UBE2D3: variants seen among roughly 807,000 people sequenced by gnomAD.
UBE2D3 encodes ubiquitin conjugating enzyme E2 D3.
UBE2D3 carries 2 observed loss-of-function variants against 22.8 expected under a neutral mutation model. The ratio of observed to expected loss-of-function variants is 0.09; its 90% CI spans 0.04 to 0.28. The LOEUF (loss-of-function observed/expected upper bound fraction) is 0.28. Among genes scored for constraint, UBE2D3 ranks in the 10% least tolerant of loss-of-function variants. The pLI is 1.00. For synonymous variants in UBE2D3, 56 were observed against 60.4 expected (o/e 0.93, Z 0.34); for missense variants, 27 against 182.5 (o/e 0.15, Z 4.91).
upstream of UBE2D3, chr4:102,828,065 A>C (rs567462576): frequency 2.0e-6 from 2 of 985,326 alleles, no homozygotes; most frequent in Non-Finnish European, 2.4e-6. Context: ...TCCAAAATGC[A>C]TAAGTTCTCG....
At chr4:102,823,701 G>C (rs1164824321) in intron 2 of UBE2D3, among the ~76,000 whole-genome samples, 1 of 152,140 alleles carries the variant, frequency 6.6e-6, no homozygotes, top group East Asian at 1.9e-4. Flanking sequence ...CCCTATTTAA[G>C]ACCATATTAC....
intron 2 of UBE2D3, among the ~76,000 whole-genome samples, chr4:102,823,268 T>G (rs1297263233): frequency 6.6e-6 from 1 of 152,182 alleles, no homozygotes; most frequent in Non-Finnish European, 1.5e-5. Flanking sequence ...GCTGCCTAGG[T>G]TCTAATCCCA....
chr4:102,833,856 A>G (rs1321395690), intron 1 of UBE2D3, among the ~76,000 whole-genome samples: 1 of 152,192 alleles, frequency 6.6e-6, no homozygotes, highest in East Asian at 1.9e-4. Context: ...TATTACACCT[A>G]TGAGAAAATG....
At chr4:102,847,719 C>T (rs559236031) in intron 1 of UBE2D3, among the ~76,000 whole-genome samples, 6 of 152,178 alleles carry the variant, frequency 3.9e-5, no homozygotes, top group South Asian at 4.2e-4. Flanking sequence ...TCATAGCTTA[C>T]GGCAGCCTCA....
chr4:102,840,854 G>A (rs193051472), intron 1 of UBE2D3, among the ~76,000 whole-genome samples: 152 of 152,050 alleles, frequency 1.0e-3, no homozygotes, highest in Non-Finnish European at 2.0e-3. Flanking sequence ...AAGTATAGCA[G>A]TTTGTTACAA....
intron 2 of UBE2D3, among the ~76,000 whole-genome samples, chr4:102,817,072 CAAG>C (rs1177274803): frequency 1.3e-5 from 2 of 152,088 alleles, no homozygotes; most frequent in Admixed American, 1.3e-4. Flanking sequence ...AGGCATTTAC[CAAG>C]AACAAGGAGT....
intron 1 of UBE2D3, among the ~76,000 whole-genome samples, chr4:102,864,131 C>T (rs1733035310): frequency 6.6e-6 from 1 of 152,134 alleles, no homozygotes; most frequent in Non-Finnish European, 1.5e-5. Context: ...AGTGAATATA[C>T]ACAACACAAC....
rs1191423587 is a variant in UBE2D3 at position 102,794,966 on chromosome 4, A to C, written c.*2449T>G. Reference sequence around the variant, plus strand: ...TTGGGTCCTATACATGGCACTAGTAATGTCAAATTACTGGGTGGAGTGGGG... The same window carrying C: ...TTGGGTCCTATACATGGCACTAGTACTGTCAAATTACTGGGTGGAGTGGGG... On this transcript the variant is annotated 3_prime_UTR_variant, in exon 8 of 8. Transcript: ENST00000453744. The C allele has an allele frequency of 6.6e-6, 1 of 152,080 alleles. No individual in the cohort carries two copies. The highest frequency in any genetic ancestry group is 6.6e-5 in the Admixed American group (1 of 15,252). 9.4% of individuals were successfully genotyped at this position (152,080 alleles called of 1,614,324 possible). A position where few individuals can be genotyped will look rare whatever the true frequency, so the allele number is the denominator to read the frequency against.
intron 2 of UBE2D3, among the ~76,000 whole-genome samples, chr4:102,821,696 G>C (rs1235423770): frequency 6.6e-6 from 1 of 151,876 alleles, no homozygotes; most frequent in Non-Finnish European, 1.5e-5. Flanking sequence ...AATGCTCGAG[G>C]TATATACCCC....
intron 1 of UBE2D3, 134 bp downstream of exon 1, chr4:102,827,293 A>C: frequency 1.1e-6 from 1 of 950,924 alleles, no homozygotes; most frequent in Non-Finnish European, 1.3e-6. Flanking sequence ...GGCTTCCCCA[A>C]CCTTCCCACC....
intron 4 of UBE2D3, among the ~76,000 whole-genome samples, chr4:102,802,938 CTACA>C (rs1459491454): frequency 6.6e-6 from 1 of 152,108 alleles, no homozygotes; most frequent in Non-Finnish European, 1.5e-5. Context: ...GCAATAAAGC[CTACA>C]TAATCATGTT....
At chr4:102,868,858 C>G (rs554660251) in exon 1 of UBE2D3, 1 of 1,519,368 alleles carries the variant, frequency 6.6e-7, no homozygotes, top group African/African-American at 1.4e-5. Flanking sequence ...AGGAGGGCCT[C>G]GCTACCCGCC....
chr4:102,806,877 TGCTGTCATTTCTTTC>T (rs1280470713), intron 4 of UBE2D3, among the ~76,000 whole-genome samples: 1 of 151,596 alleles, frequency 6.6e-6, no homozygotes, highest in African/African-American at 2.4e-5. Flanking sequence ...AAACTAGCAA[TGCTGTCATTTCTTTC>T]GAAGGTTTAG....
intron 1 of UBE2D3, among the ~76,000 whole-genome samples, chr4:102,841,963 C>G (rs1209707613): frequency 1.3e-5 from 2 of 152,086 alleles, no homozygotes; most frequent in Non-Finnish European, 2.9e-5. Context: ...CAATAAAGAA[C>G]TTTTCAATGG....
upstream of UBE2D3, chr4:102,827,986 C>T (rs1339898914): frequency 1.0e-6 from 1 of 985,370 alleles, no homozygotes; most frequent in Non-Finnish European, 1.2e-6. Context: ...TCGTGGCTGG[C>T]TAACCGAAGC....
At chr4:102,823,829 A>C (rs1371762403) in intron 2 of UBE2D3, among the ~76,000 whole-genome samples, 1 of 152,262 alleles carries the variant, frequency 6.6e-6, no homozygotes, top group Non-Finnish European at 1.5e-5. Context: ...AATGGACTAA[A>C]GGTTAAAACT....
At chr4:102,833,601 T>A (rs1731229233) in intron 1 of UBE2D3, among the ~76,000 whole-genome samples, 2 of 152,344 alleles carry the variant, frequency 1.3e-5, no homozygotes, top group South Asian at 4.1e-4. Flanking sequence ...AATCCTTTTG[T>A]CACATACCTA....
chr4:102,842,146 G>A (rs775076632), intron 1 of UBE2D3, among the ~76,000 whole-genome samples: 5 of 151,420 alleles, frequency 3.3e-5, no homozygotes, highest in South Asian at 2.1e-4. Context: ...AGTTATTACC[G>A]TAGATCTAGA....
Position 102,836,411 on chromosome 4 carries a change from T to C in UBE2D3, c.-128-9775A>G, listed in dbSNP as rs1028834181. 3.3e-5 allele frequency among the ~76,000 whole-genome samples: 5 copies of C among 152,136 alleles called. No individual in the cohort carries two copies. The East Asian group carries it at 5.8e-4, about 18-fold the overall frequency. On this transcript the variant is annotated intron_variant, in intron 1 of 7. Transcript: ENST00000338145. ...ATCCACTCAGCTCAGCCTCCCAAAG[T>C]GCTGGGATTATAAGAGTGAGGCACT...
Sources: allele counts gnomAD v4.1 joint callset (sites outside exome capture counted in the v4.1 genomes callset), GRCh38; gene constraint gnomAD v4.1.1; transcripts MANE v1.5; gene names NCBI Gene and HGNC (gene_info 2026-07-23, HGNC 2026-07-21).